Variants in PRKACB observed in about 807,000 individuals in gnomAD.
The protein encoded by PRKACB is cAMP-dependent protein kinase catalytic subunit beta.
PRKACB carries 16 observed loss-of-function variants against 51.4 expected under a neutral mutation model. That is an observed-to-expected ratio of 0.31 (90% CI 0.21 to 0.47). The LOEUF (loss-of-function observed/expected upper bound fraction) is 0.47. Among genes scored for constraint, PRKACB ranks in the 20% least tolerant of loss-of-function variants. The pLI, the probability that PRKACB is intolerant of heterozygous loss-of-function variation, is 1.00. For missense variants in PRKACB, 309 were observed against 464.5 expected (o/e 0.67, Z 3.08); for synonymous variants, 147 against 154.4 (o/e 0.95, Z 0.35).
intron 1 of PRKACB, among the ~76,000 whole-genome samples, chr1:84,099,038 T>G (rs1464280152): frequency 6.6e-6 from 1 of 152,016 alleles, no homozygotes; most frequent in East Asian, 1.9e-4. Flanking sequence ...GTATGATCTT[T>G]GGAGTCAATG....
intron 1 of PRKACB, among the ~76,000 whole-genome samples, chr1:84,157,008 C>G (rs1385179548): frequency 6.6e-6 from 1 of 152,134 alleles, no homozygotes; most frequent in African/African-American, 2.4e-5. Flanking sequence ...ATCATTTCCC[C>G]TTTGATAAAG....
intron 1 of PRKACB, among the ~76,000 whole-genome samples, chr1:84,098,846 C>T (rs533426183): frequency 1.3e-5 from 2 of 151,854 alleles, no homozygotes; most frequent in African/African-American, 2.4e-5. Context: ...TTATAATGCT[C>T]GGCTTTGGAA....
intron 1 of PRKACB, among the ~76,000 whole-genome samples, chr1:84,151,492 T>G (rs1221694537): frequency 6.6e-6 from 1 of 152,152 alleles, no homozygotes; most frequent in Non-Finnish European, 1.5e-5. Context: ...CATAAAAGAT[T>G]TCTCTGTAGC....
At chr1:84,228,582 A>G (rs1045461986) in intron 9 of PRKACB, among the ~76,000 whole-genome samples, 2 of 151,550 alleles carry the variant, frequency 1.3e-5, no homozygotes, top group African/African-American at 2.4e-5. Context: ...TAATCTTTAT[A>G]GAAGACCATA....
chr1:84,163,307 C>T (rs769687008), intron 1 of PRKACB, among the ~76,000 whole-genome samples: 9 of 152,052 alleles, frequency 5.9e-5, no homozygotes, highest in Non-Finnish European at 8.8e-5. Context: ...ACTGGGTGGC[C>T]TGGTGAACTT....
intron 1 of PRKACB, among the ~76,000 whole-genome samples, chr1:84,121,987 A>G (rs1651121022): frequency 1.3e-5 from 2 of 152,088 alleles, no homozygotes; most frequent in African/African-American, 4.8e-5. Flanking sequence ...TACATTTTGT[A>G]CATTTGGTGA....
At position 84,235,268 on chromosome 1, in the gene PRKACB, T is replaced by C; in HGVS notation, c.1160T>C (p.Ile387Thr). The change falls in exon 10 of 10, where the codon ATA (isoleucine) becomes ACA (threonine). Residue 387 changes from isoleucine to threonine, a missense_variant. By Grantham distance (89) the Ile-to-Thr change is moderately conservative. Around this residue, in one of 3 missense-constraint regions of PRKACB, gnomAD observed 96 missense variants for 129.9 expected, o/e 0.74. Transcript: ENST00000370685. Reference protein sequence around the residue: ...DYEEEDIRVSITEKCAKEFGE... With the variant: ...DYEEEDIRVSTTEKCAKEFGE... ...GAAGAAGAAGATATCCGTGTCTCTA[T>C]AACAGAAAAATGTGCAAAAGAATTT... The C allele has an allele frequency of 6.2e-7, 1 of 1,614,132 alleles. No homozygotes were observed. Among genetic ancestry groups the C allele is most frequent in the South Asian group, 1.1e-5 (1 of 91,078 alleles).
At position 84,106,942 on chromosome 1, in the gene PRKACB, A is replaced by G. The variant is rs549073205; in HGVS notation, c.46+28571A>G. On this transcript the variant is annotated intron_variant, in intron 1 of 8. Coordinates refer to the PRKACB transcript ENST00000370688. ...ATGGAACAGAATAGAGAGCCCAGAA[A>G]TGAAGCCACACACCCAGGAGGAGGG... is the stretch of plus-strand genomic sequence containing the variant. 9.2e-5 allele frequency among the ~76,000 whole-genome samples: 14 copies of G among 152,256 alleles called. No homozygotes were observed. In the East Asian group the frequency reaches 2.5e-3, roughly 27 times the overall value.
intron 1 of PRKACB, among the ~76,000 whole-genome samples, chr1:84,088,917 A>G (rs962786029): frequency 2.0e-5 from 3 of 152,188 alleles, no homozygotes; most frequent in Admixed American, 6.5e-5. Context: ...AAAATGTAGC[A>G]TAGGAGTTTA....
At chr1:84,201,013 T>C (rs1669954745) in intron 7 of PRKACB, among the ~76,000 whole-genome samples, 1 of 152,186 alleles carries the variant, frequency 6.6e-6, no homozygotes, top group Middle Eastern at 3.2e-3. Context: ...ATGATAAACA[T>C]CCTTATACAT....
chr1:84,182,408 G>T, intron 3 of PRKACB, 80 bp downstream of exon 3: 2 of 1,115,672 alleles, frequency 1.8e-6, no homozygotes, highest in South Asian at 6.1e-5. Flanking sequence ...TCAGTATAAT[G>T]ACTTACCATT....
intron 8 of PRKACB, among the ~76,000 whole-genome samples, chr1:84,211,133 A>T (rs989852009): frequency 7.1e-6 from 1 of 140,250 alleles, no homozygotes; most frequent in African/African-American, 2.7e-5. Context: ...ACTGTCACAC[A>T]CACACACACA....
chr1:84,223,464 G>T (rs1674076788), intron 9 of PRKACB, among the ~76,000 whole-genome samples: 1 of 151,026 alleles, frequency 6.6e-6, no homozygotes, highest in East Asian at 1.9e-4. Context: ...CACCTCCTGG[G>T]TTCACGCCAT....
intron 9 of PRKACB, among the ~76,000 whole-genome samples, chr1:84,214,946 G>A (rs1012022160): frequency 2.0e-5 from 3 of 152,198 alleles, no homozygotes; most frequent in Non-Finnish European, 4.4e-5. Context: ...CAAAACTGAT[G>A]TGAAGCCACA....
chr1:84,113,673 A>G (rs374325719), intron 1 of PRKACB, among the ~76,000 whole-genome samples: 164 of 152,350 alleles, frequency 1.1e-3, no homozygotes, highest in African/African-American at 3.8e-3. Flanking sequence ...ACAATAAAAA[A>G]GAACAAGGAA....
At chr1:84,233,169 A>C (rs1676032160) in intron 9 of PRKACB, among the ~76,000 whole-genome samples, 1 of 151,950 alleles carries the variant, frequency 6.6e-6, no homozygotes, top group Non-Finnish European at 1.5e-5. Flanking sequence ...TCCTTCACTT[A>C]TGAAGCTTAG....
In PRKACB at chr1:84,189,765, C is replaced by T. The variant is rs1178929131; in HGVS notation, c.560+4583C>T. Among the ~76,000 whole-genome samples, 4 of 151,948 alleles carry T rather than the reference C, an allele frequency of 2.6e-5. 1 individual carries two copies. Among genetic ancestry groups the T allele is most frequent in the Admixed American group, 6.6e-5 (1 of 15,240 alleles). ...AAATTGCACTTTGGAAGATGGCTGT[C>T]AAAGAAACAGATTTTATAATTAAAA... On this transcript the variant is annotated intron_variant, in intron 5 of 9. Coordinates refer to ENST00000370685, the MANE Select transcript of PRKACB (RefSeq NM_182948.4).
intron 1 of PRKACB, among the ~76,000 whole-genome samples, chr1:84,137,908 C>G (rs752014174): frequency 6.6e-6 from 1 of 152,032 alleles, no homozygotes; most frequent in Non-Finnish European, 1.5e-5. Context: ...GAGTTGGAAA[C>G]CAGAATGAAC....
intron 1 of PRKACB, among the ~76,000 whole-genome samples, chr1:84,135,461 CAA>C (rs746070912): frequency 4.6e-4 from 70 of 152,208 alleles, no homozygotes; most frequent in Middle Eastern, 3.4e-3. Flanking sequence ...CTCCATTTAA[CAA>C]GAGCAAAATA....
Sources: gnomAD v4.1 joint callset for allele counts (sites outside exome capture counted in the v4.1 genomes callset) on GRCh38, gnomAD v4.1.1 for gene constraint, gnomAD v4.1.1 regional missense constraint, MANE v1.5 for transcripts, NCBI Gene and HGNC (gene_info 2026-07-23, HGNC 2026-07-21) for gene names.